Variants in CAB39 observed in about 807,000 individuals in gnomAD.
CAB39 encodes the protein calcium-binding protein 39.
In CAB39, 8 loss-of-function variants were observed where a neutral mutation model predicts 40.0. That is an observed-to-expected ratio of 0.20 (90% CI 0.12 to 0.36). CAB39 has a LOEUF of 0.36. Ranked by LOEUF, CAB39 falls within the 10% of genes least tolerant of loss-of-function variation. CAB39 has a pLI of 1.00. For missense variants in CAB39, 270 were observed against 401.1 expected (o/e 0.67, Z 2.79); for synonymous variants, 156 against 141.6 (o/e 1.10, Z -0.72).
rs201874038 is a variant in CAB39, at chr2:230,759,980, G to A, written c.-22G>A. On this transcript the variant is annotated 5_prime_UTR_variant, in exon 2 of 9. Coordinates refer to ENST00000258418, the MANE Select transcript of CAB39 (RefSeq NM_016289.4). ...CTAGGTAGCACAGGCGGAGTGCAGC[G>A]GAGGCCCCTGCCGCTGCCGTCATGC... 159 of 1,398,528 alleles carry A rather than the reference G, an allele frequency of 1.1e-4. No homozygotes were observed. Among genetic ancestry groups the A allele is most frequent in the Non-Finnish European group, 1.6e-4 (153 of 983,748 alleles). The allele number at this position is 1,398,528 out of a possible 1,614,324, so 86.6% of individuals were successfully genotyped here.
chr2:230,748,831 A>AAAAAAAAAT (rs1386799920), intron 1 of CAB39, among the ~76,000 whole-genome samples: 4 of 28,508 alleles, frequency 1.4e-4, no homozygotes, highest in Non-Finnish European at 1.9e-4. Context: ...AAAAAAAAAA[A>AAAAAAAAAT]ATATATATAT....
intron 1 of CAB39, among the ~76,000 whole-genome samples, chr2:230,730,743 C>G (rs1694673640): frequency 6.6e-6 from 1 of 151,974 alleles, no homozygotes; most frequent in Non-Finnish European, 1.5e-5. Context: ...TGCGCCCGGC[C>G]AAGAAAACTT....
intron 6 of CAB39, among the ~76,000 whole-genome samples, chr2:230,811,438 CAT>C (rs1480577222): frequency 6.6e-6 from 1 of 152,214 alleles, no homozygotes; most frequent in East Asian, 1.9e-4. Context: ...TATTTCAGCT[CAT>C]GTGTATTTGG....
At chr2:230,747,659 G>T (rs1201050873) in intron 1 of CAB39, among the ~76,000 whole-genome samples, 1 of 152,042 alleles carries the variant, frequency 6.6e-6, no homozygotes, top group Non-Finnish European at 1.5e-5. Flanking sequence ...AAAATATAAT[G>T]GATTATATAG....
chr2:230,817,300 C>T, intron 7 of CAB39, among the ~76,000 whole-genome samples: 1 of 152,124 alleles, frequency 6.6e-6, no homozygotes, highest in East Asian at 1.9e-4. Context: ...AAACTTTGGA[C>T]ACAAAACCCT....
chr2:230,778,688 C>G (rs1024731325), intron 2 of CAB39, among the ~76,000 whole-genome samples: 2 of 152,098 alleles, frequency 1.3e-5, no homozygotes, highest in Non-Finnish European at 2.9e-5. Flanking sequence ...TTATTATGGA[C>G]TCTATCCTTA....
intron 5 of CAB39, among the ~76,000 whole-genome samples, chr2:230,804,707 A>C (rs373137213): frequency 2.0e-5 from 3 of 152,276 alleles, no homozygotes; most frequent in East Asian, 1.9e-4. Context: ...ATACCATCTC[A>C]CACCAGTTAG....
intron 1 of CAB39, among the ~76,000 whole-genome samples, chr2:230,734,040 G>A (rs1352479555): frequency 6.6e-6 from 1 of 152,158 alleles, no homozygotes; most frequent in Non-Finnish European, 1.5e-5. Context: ...ATTGCCACTC[G>A]CAGCCCGCAC....
At chr2:230,808,823 A>C (rs1362553788) in intron 5 of CAB39, among the ~76,000 whole-genome samples, 1 of 152,192 alleles carries the variant, frequency 6.6e-6, no homozygotes, top group Non-Finnish European at 1.5e-5. Context: ...AAGATTGCTG[A>C]ATGTGATGTT....
rs188830768 is a variant in CAB39, at chr2:230,785,759, A to G, written c.115-5113A>G. 4.7e-3 allele frequency among the ~76,000 whole-genome samples: 713 copies of G among 151,916 alleles called. 4 individuals carry two copies. The highest frequency in any genetic ancestry group is 0.016 in the African/African-American group (670 of 41,418). On this transcript the variant is annotated intron_variant, in intron 2 of 8. Transcript: ENST00000258418. ...ACCCAAGCTGGAGTGCAGTGGTGCA[A>G]TCATAGCTCACTGCAGCCTCAACCT...
In CAB39 at chr2:230,818,807, C is replaced by A. The variant is rs1696451157; in HGVS notation, c.*103C>A. 5 of 910,822 alleles carry A rather than the reference C, an allele frequency of 5.5e-6. No homozygotes were observed. Among genetic ancestry groups the A allele is most frequent in the Non-Finnish European group, 8.4e-6 (5 of 596,148 alleles). The allele number at this position is 910,822 out of a possible 1,614,324, so 56.4% of individuals were successfully genotyped here. A position where few individuals can be genotyped will look rare whatever the true frequency, so the allele number is the denominator to read the frequency against. On this transcript the variant is annotated 3_prime_UTR_variant, in exon 9 of 9. Coordinates refer to ENST00000258418, the MANE Select transcript of CAB39 (RefSeq NM_016289.4). ...CATGAGGAACATTACTGCTAATCTG[C>A]TGTTAAGTGAACGGTTTTTCATTTT...
chr2:230,726,915 C>CTTA (rs1024680429), intron 1 of CAB39, among the ~76,000 whole-genome samples: 1 of 146,588 alleles, frequency 6.8e-6, no homozygotes, highest in Non-Finnish European at 1.5e-5. Flanking sequence ...AATCAGGGTG[C>CTTA]TTAGCATACG....
chr2:230,802,196 A>G (rs1362917318), intron 5 of CAB39, among the ~76,000 whole-genome samples: 1 of 152,242 alleles, frequency 6.6e-6, no homozygotes, highest in Admixed American at 6.5e-5. Context: ...GCAGAAATAA[A>G]TACGTTCTTT....
chr2:230,718,173 A>T (rs1694385868), intron 1 of CAB39, among the ~76,000 whole-genome samples: 1 of 152,220 alleles, frequency 6.6e-6, no homozygotes, highest in African/African-American at 2.4e-5. Context: ...GTTGAGGACC[A>T]CGGAAGTATG....
intron 1 of CAB39, among the ~76,000 whole-genome samples, chr2:230,738,671 C>G (rs1024321758): frequency 6.6e-6 from 1 of 152,172 alleles, no homozygotes; most frequent in East Asian, 1.9e-4. Context: ...CATACGACAG[C>G]CTTTGAGCAG....
intron 2 of CAB39, among the ~76,000 whole-genome samples, chr2:230,783,138 T>C (rs534350916): frequency 1.3e-5 from 2 of 152,200 alleles, no homozygotes; most frequent in South Asian, 4.1e-4. Flanking sequence ...AGACTGCTCT[T>C]TCTTTAGTGG....
chr2:230,776,680 A>C (rs1695592630), intron 2 of CAB39, among the ~76,000 whole-genome samples: 1 of 138,098 alleles, frequency 7.2e-6, no homozygotes, highest in Non-Finnish European at 1.5e-5. Flanking sequence ...GCTCTGTCTC[A>C]CTTCATCCAC....
At chr2:230,818,452 G>A (rs757486626) in intron 8 of CAB39, 64 bp from the exon 9 acceptor site, 58 of 1,354,780 alleles carry the variant, frequency 4.3e-5, no homozygotes, top group Admixed American at 1.1e-4. Context: ...CACTGTGGCC[G>A]CAGCTCAGGT....
At chr2:230,817,176 T>C (rs1365919676) in intron 7 of CAB39, among the ~76,000 whole-genome samples, 1 of 152,184 alleles carries the variant, frequency 6.6e-6, no homozygotes, top group Non-Finnish European at 1.5e-5. Flanking sequence ...AAGAAAACAC[T>C]GGATTATCTT....
Sources: allele counts gnomAD v4.1 joint callset (sites outside exome capture counted in the v4.1 genomes callset), GRCh38; gene constraint gnomAD v4.1.1; transcripts MANE v1.5; gene names NCBI Gene and HGNC (gene_info 2026-07-23, HGNC 2026-07-21).